The following GALNT16 variants were observed in gnomAD, a reference collection of about 807,000 sequenced individuals.
GALNT16 encodes polypeptide N-acetylgalactosaminyltransferase 16, also known as UDP-GalNAc:polypeptide N-acetylgalactosaminyltransferase-like protein 1.
In GALNT16, 40 loss-of-function variants were observed where a neutral mutation model predicts 76.1. The observed-to-expected ratio is 0.53, with a 90% CI of 0.41 to 0.68. The LOEUF (loss-of-function observed/expected upper bound fraction) is 0.68. GALNT16 is among the 30% of genes least tolerant of loss of function. The pLI, the probability that GALNT16 is intolerant of heterozygous loss-of-function variation, is 0.00. For synonymous variants in GALNT16, 276 were observed against 285.2 expected, an observed-to-expected ratio of 0.97 and a Z score of 0.32; for missense variants, 621 against 731.9, an observed-to-expected ratio of 0.85 and a Z score of 1.75.
chr14:69,385,218 G>C, the GALNT16 span, among the ~76,000 whole-genome samples: 1 of 151,926 alleles, frequency 6.6e-6, no homozygotes, highest in Admixed American at 6.6e-5. Context: ...AGAGAGACTA[G>C]GAAAAAAATC....
intron 2 of GALNT16, 65 bp from the exon 3 acceptor site, chr14:69,324,627 A>G: frequency 5.6e-6 from 5 of 886,450 alleles, no homozygotes; most frequent in South Asian, 1.7e-5. Context: ...CTGGACAAAG[A>G]AAAACATTGA....
chr14:69,267,927 C>T (rs1412406024), intron 1 of GALNT16, among the ~76,000 whole-genome samples: 1 of 152,104 alleles, frequency 6.6e-6, no homozygotes, highest in Admixed American at 6.5e-5. Context: ...CCTGATAGTG[C>T]TTGAATTAAG....
At chr14:69,277,466 A>G (rs966834616) in intron 1 of GALNT16, among the ~76,000 whole-genome samples, 2 of 152,206 alleles carry the variant, frequency 1.3e-5, no homozygotes, top group African/African-American at 2.4e-5. Context: ...GAGTGAGAGC[A>G]TGCAGTGTTT....
intron 1 of GALNT16, among the ~76,000 whole-genome samples, chr14:69,314,949 G>C (rs1333427260): frequency 6.6e-6 from 1 of 152,148 alleles, no homozygotes; most frequent in Non-Finnish European, 1.5e-5. Flanking sequence ...AAAGAAAATT[G>C]GGCAACAATT....
Position 69,304,645 on chromosome 14 carries a change from A to G in GALNT16, c.178-16066A>G, listed in dbSNP as rs141101530. On this transcript the variant is annotated intron_variant, in intron 1 of 14. Coordinates refer to ENST00000448469, the MANE Select transcript of GALNT16 (RefSeq NM_001168368.2). The stretch of plus-strand genomic sequence containing the variant: ...CCTCCCCCAATAGCCCCTGGCAACC[A>G]TGAATCTGACATTTTGATGTCTATG... 4.7e-3 allele frequency among the ~76,000 whole-genome samples: 719 copies of G among 152,284 alleles called. 2 individuals are homozygous for G. The highest frequency in any genetic ancestry group is 7.3e-3 in the Non-Finnish European group (497 of 68,022).
intron 12 of GALNT16, among the ~76,000 whole-genome samples, chr14:69,341,965 G>A (rs747885355): frequency 2.6e-5 from 4 of 152,158 alleles, no homozygotes; most frequent in African/African-American, 7.2e-5. Flanking sequence ...GGTGGGAACC[G>A]AATTTTTAAT....
At chr14:69,308,449 A>G (rs1430988943) in intron 1 of GALNT16, among the ~76,000 whole-genome samples, 1 of 152,160 alleles carries the variant, frequency 6.6e-6, no homozygotes, top group African/African-American at 2.4e-5. Context: ...ATGTTTATAA[A>G]CTATTTATAT....
intron 1 of GALNT16, among the ~76,000 whole-genome samples, chr14:69,277,471 G>C (rs2044487267): frequency 6.6e-6 from 1 of 152,208 alleles, no homozygotes; most frequent in African/African-American, 2.4e-5. Context: ...AGAGCATGCA[G>C]TGTTTGGTTT....
At chr14:69,276,921 C>T (rs1012642940) in intron 1 of GALNT16, among the ~76,000 whole-genome samples, 7 of 152,114 alleles carry the variant, frequency 4.6e-5, no homozygotes, top group African/African-American at 1.7e-4. Flanking sequence ...AATGCCTGTT[C>T]CCCCAAGCCT....
rs149603362 is a variant in GALNT16, at chr14:69,301,908, T to G, written c.178-18803T>G. On this transcript the variant is annotated intron_variant, in intron 1 of 14. Transcript: ENST00000448469. ...GGGAGGCTGAGGCAGGAGAATCGCT[T>G]GAACCCAGGAGGCGGGGTTGCAGTG... Among the ~76,000 whole-genome samples, 27 of 152,290 alleles carry G rather than the reference T, an allele frequency of 1.8e-4. No homozygotes were observed. The East Asian group carries it at 5.2e-3, about 29-fold the overall frequency.
chr14:69,333,739 T>C lies in GALNT16; in HGVS notation c.967+139T>C, dbSNP rs751588886. On this transcript the variant is annotated intron_variant, in intron 9 of 14. Transcript: ENST00000448469. The surrounding 1 kb of genome is among the most constrained non-coding windows in gnomAD (Gnocchi z 4.2). Reference sequence around the variant, plus strand: ...GGTCATTTAATTCTCTCAAGGACCCTCTGAGGTAAGTACCATGATCTCCAT... The same window carrying C: ...GGTCATTTAATTCTCTCAAGGACCCCCTGAGGTAAGTACCATGATCTCCAT... 25 of 590,338 alleles carry C rather than the reference T, an allele frequency of 4.2e-5. No homozygotes were observed. The highest frequency in any genetic ancestry group is 8.9e-6 in the Non-Finnish European group (3 of 335,786). The allele number at this position is 590,338 out of a possible 1,614,324, so 36.6% of individuals were successfully genotyped here.
rs117456674 is a variant in GALNT16 at position 69,302,566 on chromosome 14, G to A, written c.178-18145G>A. Among the ~76,000 whole-genome samples the A allele has an allele frequency of 5.8e-3, 885 of 152,232 alleles. 10 individuals are homozygous for A. The highest frequency in any genetic ancestry group is 7.9e-3 in the Non-Finnish European group (535 of 68,000). On this transcript the variant is annotated intron_variant, in intron 1 of 14. Coordinates refer to ENST00000448469, the MANE Select transcript of GALNT16 (RefSeq NM_001168368.2). Reference sequence around the variant, plus strand: ...TTTTTAAACCGAATCTTGCACAGAAGTCTAAAATATAAAAGAGATAAAAGG... The same window carrying A: ...TTTTTAAACCGAATCTTGCACAGAAATCTAAAATATAAAAGAGATAAAAGG...
chr14:69,260,484 C>CGTCG lies in GALNT16; in HGVS notation c.177+19_177+22dup, dbSNP rs1480840397. 6 of 1,364,194 alleles carry CGTCG rather than the reference C, an allele frequency of 4.4e-6. No individual in the cohort carries two copies. The highest frequency in any genetic ancestry group is 5.7e-6 in the Non-Finnish European group (6 of 1,059,594). The allele number at this position is 1,364,194 out of a possible 1,614,324, so 84.5% of individuals were successfully genotyped here. On this transcript the variant is annotated intron_variant, in intron 1 of 14. Coordinates refer to ENST00000448469, the MANE Select transcript of GALNT16 (RefSeq NM_001168368.2). ...CCGCTCATTGTGAGTACGCCCCGAG[C>CGTCG]GTCGGCCGGCCGGCTAGGGAGCCGC...
At chr14:69,265,067 T>G (rs1436703146) in intron 1 of GALNT16, among the ~76,000 whole-genome samples, 1 of 152,152 alleles carries the variant, frequency 6.6e-6, no homozygotes, top group Non-Finnish European at 1.5e-5. Context: ...CCTCCCACCT[T>G]GGCCTCCCAA....
At chr14:69,322,126 G>C (rs1417059146) in intron 2 of GALNT16, among the ~76,000 whole-genome samples, 1 of 152,222 alleles carries the variant, frequency 6.6e-6, no homozygotes, top group East Asian at 1.9e-4. Flanking sequence ...CCTTGGCCTT[G>C]CTGTCCTGTA....
intron 1 of GALNT16, among the ~76,000 whole-genome samples, chr14:69,307,247 C>A (rs188140553): frequency 2.6e-5 from 4 of 152,226 alleles, no homozygotes; most frequent in Admixed American, 2.6e-4. Flanking sequence ...GTCTCTGGGG[C>A]GCAATGAACA....
chr14:69,326,326 G>A (rs1035168243), intron 5 of GALNT16, among the ~76,000 whole-genome samples: 1 of 152,206 alleles, frequency 6.6e-6, no homozygotes, highest in African/African-American at 2.4e-5. Context: ...CAGGCTGTGT[G>A]GAAAGGCTTT....
At chr14:69,320,386 T>C (rs547297633) in intron 1 of GALNT16, among the ~76,000 whole-genome samples, 79 of 152,026 alleles carry the variant, frequency 5.2e-4, no homozygotes, top group African/African-American at 1.9e-3. Context: ...TCTCAGCTAC[T>C]TGGGAGGCTG....
rs763602537 is a variant in GALNT16, at chr14:69,338,812, G to A, written c.1094+35G>A. ...CGAGAAAGGAGCACGGGACTCAGAG[G>A]AGGACACCAAGGCCCAAGCCCCCAG... is the stretch of plus-strand genomic sequence containing the variant. On this transcript the variant is annotated intron_variant, in intron 10 of 14. Coordinates refer to ENST00000448469, the MANE Select transcript of GALNT16 (RefSeq NM_001168368.2). 39 of 1,566,512 alleles carry A rather than the reference G, an allele frequency of 2.5e-5. No individual in the cohort carries two copies. The Middle Eastern group carries it at 5.1e-4, about 20-fold the overall frequency.
Sources: gnomAD v4.1 joint callset for allele counts (sites outside exome capture counted in the v4.1 genomes callset) on GRCh38, gnomAD v4.1.1 for gene constraint, Gnocchi (gnomAD v3.1) non-coding constraint, MANE v1.5 for transcripts, NCBI Gene and HGNC (gene_info 2026-07-23, HGNC 2026-07-21) for gene names.